The following ENOX1 variants were observed in gnomAD, a reference collection of about 807,000 sequenced individuals.
The protein encoded by ENOX1 is candidate growth-related and time keeping constitutive hydroquinone (NADH) oxidase.
In ENOX1, 42 loss-of-function variants were observed where a neutral mutation model predicts 82.5. The ratio of observed to expected loss-of-function variants is 0.51; its 90% confidence interval spans 0.40 to 0.66. The LOEUF (loss-of-function observed/expected upper bound fraction) is 0.66. Among genes scored for constraint, ENOX1 ranks in the 30% least tolerant of loss-of-function variants. ENOX1 has a pLI of 0.00. For synonymous variants in ENOX1, 271 were observed against 282.2 expected (o/e 0.96, Z 0.40); for missense variants, 608 against 811.6 (o/e 0.75, Z 3.05).
rs80289799 is a variant in ENOX1 at position 43,263,994 on chromosome 13, C to T, written c.1611+1404G>A. On this transcript the variant is annotated intron_variant, in intron 14 of 16. Transcript: ENST00000690772. The stretch of plus-strand genomic sequence containing the variant: ...ATGGGGAGCTCTGTATGAATGGCTT[C>T]CTCCTTTGGCTTTCTACTTTCTCAA... Among the ~76,000 whole-genome samples, 266 of 152,320 alleles carry T rather than the reference C, an allele frequency of 1.7e-3. 1 individual carries two copies. The highest frequency in any genetic ancestry group is 6.2e-3 in the African/African-American group (257 of 41,586).
intron 11 of ENOX1, among the ~76,000 whole-genome samples, chr13:43,302,711 T>C (rs1021511517): frequency 2.0e-5 from 3 of 152,228 alleles, no homozygotes; most frequent in South Asian, 2.1e-4. Context: ...ATATTAATTA[T>C]GGTCAAAGTG....
chr13:43,394,976 A>C (rs77189872), intron 5 of ENOX1, among the ~76,000 whole-genome samples: 7,438 of 152,280 alleles, frequency 0.049, 514 homozygotes, highest in African/African-American at 0.15. Flanking sequence ...GCTATGTTGC[A>C]ATGGAAGCAC....
At chr13:43,613,419 C>G (rs929779212) in intron 2 of ENOX1, among the ~76,000 whole-genome samples, 3 of 152,104 alleles carry the variant, frequency 2.0e-5, no homozygotes, top group African/African-American at 7.2e-5. Flanking sequence ...GAACTGTACA[C>G]TTTAAATGAG....
intron 1 of ENOX1, among the ~76,000 whole-genome samples, chr13:43,686,691 A>G (rs1047548273): frequency 6.6e-5 from 10 of 152,358 alleles, no homozygotes; most frequent in African/African-American, 2.4e-4. Context: ...TATTTCAAGT[A>G]GTCAACACAC....
intron 3 of ENOX1, among the ~76,000 whole-genome samples, chr13:43,434,011 G>C (rs978086193): frequency 6.6e-6 from 1 of 152,216 alleles, no homozygotes; most frequent in Non-Finnish European, 1.5e-5. Flanking sequence ...GAAACCACTA[G>C]AATGCACTGG....
At chr13:43,507,750 C>T (rs2077223627) in intron 2 of ENOX1, among the ~76,000 whole-genome samples, 3 of 151,688 alleles carry the variant, frequency 2.0e-5, no homozygotes, top group Admixed American at 2.0e-4. Context: ...AGGGAGGTAT[C>T]TAGGAAAAAG....
chr13:43,626,417 T>C lies in ENOX1; in HGVS notation c.-219+41062A>G, dbSNP rs568639231. ...GGGGTGATAAATTATTAATTCAAGATTATTTCCTCATTTTTAATGTATGAA... is the reference window on the plus strand; with the variant it reads ...GGGGTGATAAATTATTAATTCAAGACTATTTCCTCATTTTTAATGTATGAA... On this transcript the variant is annotated intron_variant, in intron 2 of 16. Coordinates refer to ENST00000690772, the MANE Select transcript of ENOX1 (RefSeq NM_001347969.2). Among the ~76,000 whole-genome samples, 15 of 152,002 alleles carry C rather than the reference T, an allele frequency of 9.9e-5. No individual in the cohort carries two copies. In the East Asian group the frequency reaches 2.5e-3, roughly 25 times the overall value.
intron 12 of ENOX1, among the ~76,000 whole-genome samples, chr13:43,293,429 T>A (rs1201706081): frequency 2.0e-5 from 3 of 151,860 alleles, no homozygotes; most frequent in African/African-American, 7.3e-5. Flanking sequence ...ACAGCTACCA[T>A]CCTCACCACA....
intron 7 of ENOX1, among the ~76,000 whole-genome samples, chr13:43,357,235 A>G (rs2050214364): frequency 1.3e-5 from 2 of 152,180 alleles, no homozygotes; most frequent in Non-Finnish European, 2.9e-5. Context: ...CAACTGTAAA[A>G]TGCTAGGCTG....
At chr13:43,245,083 C>T (rs1451983409) in intron 14 of ENOX1, among the ~76,000 whole-genome samples, 1 of 152,154 alleles carries the variant, frequency 6.6e-6, no homozygotes, top group Non-Finnish European at 1.5e-5. Flanking sequence ...ATGGAGATAT[C>T]CCTTCACACT....
chr13:43,491,323 T>C (rs568827614), intron 2 of ENOX1, among the ~76,000 whole-genome samples: 47 of 152,278 alleles, frequency 3.1e-4, no homozygotes, highest in Admixed American at 1.6e-3. Flanking sequence ...ACCTTCAGCA[T>C]TGGGAATCAC....
intron 2 of ENOX1, among the ~76,000 whole-genome samples, chr13:43,521,257 A>G (rs568092564): frequency 6.6e-6 from 1 of 152,284 alleles, no homozygotes; most frequent in Admixed American, 6.5e-5. Context: ...AACACCAATC[A>G]ATAAACTCCA....
chr13:43,413,508 C>T (rs1241368377), intron 3 of ENOX1, among the ~76,000 whole-genome samples: 1 of 151,568 alleles, frequency 6.6e-6, no homozygotes, highest in Non-Finnish European at 1.5e-5. Context: ...AAGGAGGGTA[C>T]CTAAATTACA....
chr13:43,625,059 A>G (rs1201770503), intron 2 of ENOX1, among the ~76,000 whole-genome samples: 1 of 152,024 alleles, frequency 6.6e-6, no homozygotes, highest in Non-Finnish European at 1.5e-5. Context: ...TCAGTATTGT[A>G]TAGTATTCAG....
At chr13:43,750,010 C>A (rs1950227540) in intron 1 of ENOX1, among the ~76,000 whole-genome samples, 1 of 152,154 alleles carries the variant, frequency 6.6e-6, no homozygotes. Context: ...AATGCAAATG[C>A]TGGCTGGATC....
intron 13 of ENOX1, among the ~76,000 whole-genome samples, chr13:43,266,900 T>C (rs900008700): frequency 3.3e-5 from 5 of 152,164 alleles, no homozygotes; most frequent in African/African-American, 1.2e-4. Context: ...AGAGGACTAT[T>C]TTGTGAATGT....
intron 2 of ENOX1, among the ~76,000 whole-genome samples, chr13:43,571,128 T>C (rs1372074145): frequency 2.0e-5 from 3 of 152,192 alleles, no homozygotes; most frequent in African/African-American, 4.8e-5. Flanking sequence ...TCTCCTATTC[T>C]GTTATGCTTT....
chr13:43,753,662 T>C (rs373670773), intron 1 of ENOX1, among the ~76,000 whole-genome samples: 2 of 152,276 alleles, frequency 1.3e-5, no homozygotes, highest in African/African-American at 2.4e-5. Flanking sequence ...TAGAGCTATA[T>C]CCTCAGCATT....
intron 5 of ENOX1, among the ~76,000 whole-genome samples, chr13:43,380,704 G>A (rs990903305): frequency 1.1e-4 from 17 of 151,280 alleles, no homozygotes; most frequent in Non-Finnish European, 1.6e-4. Context: ...AAAATAAAAG[G>A]ACTGAAAAAA....
Sources: gnomAD v4.1 joint callset for allele counts (sites outside exome capture counted in the v4.1 genomes callset) on GRCh38, gnomAD v4.1.1 for gene constraint, MANE v1.5 for transcripts, NCBI Gene and HGNC (gene_info 2026-07-23, HGNC 2026-07-21) for gene names.